Variants in PLCB1 observed in about 807,000 individuals in gnomAD.
The protein encoded by PLCB1 is phospholipase C beta 1.
In PLCB1, 46 loss-of-function variants were observed where a neutral mutation model predicts 161.8. The observed-to-expected ratio is 0.28, with a 90% confidence interval of 0.22 to 0.36. The LOEUF (loss-of-function observed/expected upper bound fraction) is 0.36. Ranked by LOEUF, PLCB1 falls within the 10% of genes least tolerant of loss-of-function variation. The pLI, the probability that PLCB1 is intolerant of heterozygous loss-of-function variation, is 1.00. For missense variants in PLCB1, 1,016 were observed against 1,472.5 expected (o/e 0.69, Z 5.07); for synonymous variants, 517 against 503.7 (o/e 1.03, Z -0.35).
chr20:8,285,479 A>G (rs1983073133), intron 2 of PLCB1, among the ~76,000 whole-genome samples: 1 of 152,060 alleles, frequency 6.6e-6, no homozygotes, highest in Non-Finnish European at 1.5e-5. Flanking sequence ...TTTATTTTTT[A>G]AGAACCCTAT....
At position 8,491,827 on chromosome 20, in the gene PLCB1, G is replaced by T. The variant is rs1193833996; in HGVS notation, c.246+120377G>T. ...CAAGACAATAAGTTGGGTTACGATA[G>T]GACTCATCTCATTTGTTTACCTGCA... On this transcript the variant is annotated intron_variant, in intron 3 of 31. Transcript: ENST00000338037. Among the ~76,000 whole-genome samples the T allele has an allele frequency of 2.0e-5, 3 of 152,076 alleles. No individual in the cohort carries two copies. In the East Asian group the frequency reaches 5.8e-4, roughly 29 times the overall value.
At chr20:8,680,814 A>C (rs1990191501) in intron 9 of PLCB1, among the ~76,000 whole-genome samples, 1 of 151,868 alleles carries the variant, frequency 6.6e-6, no homozygotes, top group Admixed American at 6.6e-5. Context: ...TGTATACTAA[A>C]AATTCTGTTA....
chr20:8,756,866 T>C (rs562401272), intron 23 of PLCB1, among the ~76,000 whole-genome samples, 180 bp from the exon 24 acceptor site: 4 of 152,268 alleles, frequency 2.6e-5, no homozygotes, highest in Non-Finnish European at 4.4e-5. Context: ...ACAATTAACC[T>C]CCCATAGTCA....
At chr20:8,648,125 C>T (rs367832194) in intron 6 of PLCB1, among the ~76,000 whole-genome samples, 172 bp downstream of exon 6, 40 of 152,290 alleles carry the variant, frequency 2.6e-4, no homozygotes, top group East Asian at 1.2e-3. Context: ...TCCTCATAGA[C>T]GTCTCCCCGG....
chr20:8,819,334 T>G lies in PLCB1; in HGVS notation c.3423+29073T>G, dbSNP rs77540933. 7.2e-5 allele frequency among the ~76,000 whole-genome samples: 11 copies of G among 152,264 alleles called. No homozygotes were observed. The East Asian group carries it at 1.7e-3, about 24-fold the overall frequency. ...GATATGGAAAAAAACTAAATTGGAT[T>G]CCTACCTCACCTCACACACAAAAAT... On this transcript the variant is annotated intron_variant, in intron 31 of 31. Transcript: ENST00000338037.
At chr20:8,461,769 T>C (rs1417611824) in intron 3 of PLCB1, among the ~76,000 whole-genome samples, 1 of 152,208 alleles carries the variant, frequency 6.6e-6, no homozygotes, top group East Asian at 1.9e-4. Context: ...TTTGATTCTT[T>C]GCATTTTATA....
intron 1 of PLCB1, among the ~76,000 whole-genome samples, chr20:8,137,272 A>C (rs1249737969): frequency 2.0e-5 from 3 of 152,246 alleles, no homozygotes; most frequent in Admixed American, 1.3e-4. Context: ...GATGACACTC[A>C]CAAGATTAAT....
At chr20:8,586,129 T>C (rs1438595931) in intron 3 of PLCB1, among the ~76,000 whole-genome samples, 2 of 152,208 alleles carry the variant, frequency 1.3e-5, no homozygotes, top group African/African-American at 4.8e-5. Flanking sequence ...TTATATTGGT[T>C]CCATTATCTG....
intron 2 of PLCB1, among the ~76,000 whole-genome samples, chr20:8,314,772 C>T (rs1401216929): frequency 1.3e-5 from 2 of 152,116 alleles, no homozygotes; most frequent in Non-Finnish European, 2.9e-5. Context: ...CATTTGAAAT[C>T]TTAGATGAGG....
chr20:8,590,458 TTTG>T (rs1317782928), intron 3 of PLCB1, among the ~76,000 whole-genome samples: 4 of 152,112 alleles, frequency 2.6e-5, no homozygotes, highest in African/African-American at 7.2e-5. Flanking sequence ...GTAGTTTTTT[TTTG>T]TTGTTGTTGT....
At chr20:8,483,757 T>G (rs918614542) in intron 3 of PLCB1, among the ~76,000 whole-genome samples, 1 of 152,232 alleles carries the variant, frequency 6.6e-6, no homozygotes, top group Admixed American at 6.5e-5. Flanking sequence ...GAGCTGCAAA[T>G]GAAGACTAGT....
At chr20:8,792,692 C>G (rs1436713311) in intron 31 of PLCB1, 1 of 462,898 alleles carries the variant, frequency 2.2e-6, no homozygotes, top group Non-Finnish European at 4.5e-6. Flanking sequence ...GGTTCCATGT[C>G]AAACTAAAGC....
intron 2 of PLCB1, among the ~76,000 whole-genome samples, chr20:8,342,886 G>A (rs1985863244): frequency 6.6e-6 from 1 of 152,176 alleles, no homozygotes; most frequent in South Asian, 2.1e-4. Flanking sequence ...CCCACAGAAT[G>A]AAAAGTATTA....
At chr20:8,534,822 C>G (rs949375799) in intron 3 of PLCB1, among the ~76,000 whole-genome samples, 1 of 152,110 alleles carries the variant, frequency 6.6e-6, no homozygotes, top group Admixed American at 6.6e-5. Context: ...TCCATCTTGA[C>G]AGGTGTAGAC....
intron 3 of PLCB1, among the ~76,000 whole-genome samples, chr20:8,449,429 G>A (rs1002252199): frequency 1.3e-5 from 2 of 152,150 alleles, no homozygotes; most frequent in Non-Finnish European, 2.9e-5. Context: ...CTAGTGTCCC[G>A]CTTCCTTCAA....
rs1375329467 is a variant in PLCB1, at chr20:8,739,368, T to C, written c.2308+8T>C. On this transcript the variant is annotated splice_region_variant and intron_variant, in intron 21 of 31. Transcript: ENST00000338037. ...TGCAAGCCATTCGGCCAGGTATGGG[T>C]AGTGTGCTGAGAAACCTTTTATCAA... is the stretch of plus-strand genomic sequence containing the variant. The C allele has an allele frequency of 6.4e-7, 1 of 1,568,356 alleles. No homozygotes were observed.
intron 2 of PLCB1, among the ~76,000 whole-genome samples, chr20:8,270,652 G>C (rs1280816464): frequency 6.6e-6 from 1 of 152,066 alleles, no homozygotes; most frequent in African/African-American, 2.4e-5. Context: ...ATTCTTCAAA[G>C]AAAACTCAGT....
chr20:8,791,379 T>C (rs950311056), intron 31 of PLCB1, among the ~76,000 whole-genome samples: 1 of 152,160 alleles, frequency 6.6e-6, no homozygotes, highest in African/African-American at 2.4e-5. Flanking sequence ...TGCTATACTT[T>C]CCAATCAGAA....
At chr20:8,651,732 A>G in intron 7 of PLCB1, 1 of 455,464 alleles carries the variant, frequency 2.2e-6, no homozygotes, top group South Asian at 5.3e-5. Flanking sequence ...GCGTCTGTAA[A>G]CTGGGGGAAG....
Sources: allele counts gnomAD v4.1 joint callset (sites outside exome capture counted in the v4.1 genomes callset), GRCh38; gene constraint gnomAD v4.1.1; transcripts MANE v1.5; gene names NCBI Gene and HGNC (gene_info 2026-07-23, HGNC 2026-07-21).